The following GTF3C3 variants were observed in gnomAD, a reference collection of about 807,000 sequenced individuals.
The protein encoded by GTF3C3 is general transcription factor IIIC subunit 3.
A neutral mutation model predicts 105.2 loss-of-function variants in GTF3C3; 75 were observed. That is an observed-to-expected ratio of 0.71 (90% confidence interval 0.59 to 0.86). The LOEUF (loss-of-function observed/expected upper bound fraction) is 0.86, where lower values mean the gene tolerates loss of function less well. Ranked by LOEUF, GTF3C3 falls within the 40% of genes least tolerant of loss-of-function variation. The pLI, the probability that GTF3C3 is intolerant of heterozygous loss-of-function variation, is 0.00. For synonymous variants in GTF3C3, 335 were observed against 370.4 expected, an observed-to-expected ratio of 0.90 and a Z score of 1.10; for missense variants, 856 against 1,076.5, an observed-to-expected ratio of 0.80 and a Z score of 2.87.
chr2:196,792,997 A>G lies in GTF3C3; in HGVS notation c.370T>C (p.Leu124=). The part of the protein sequence containing the change: ...EQPTAGDVFV[L]EMVLNRETKK... ...GTTTCACGATTGAGAACCATCTCCA[A>G]TACAAATACATCGCCCGCAGTGGGT... is the stretch of plus-strand genomic sequence containing the variant. Residue 124 remains leucine (L), a synonymous_variant, in exon 3 of 18, where the codon TTG becomes CTG. Transcript: ENST00000263956. 1.2e-6 allele frequency: 2 copies of G among 1,613,912 alleles called. No homozygotes were observed. Among genetic ancestry groups the G allele is most frequent in the Non-Finnish European group, 1.7e-6 (2 of 1,179,926 alleles).
At position 196,766,551 on chromosome 2, in the gene GTF3C3, A is replaced by G; in HGVS notation, c.2538+14T>C. ...GATGAAATGAAGTGTCTCAGTTTTA[A>G]AAATGCACAATACCTCTACCACAAG... On this transcript the variant is annotated intron_variant, in intron 17 of 17. Transcript: ENST00000263956. The G allele has an allele frequency of 6.3e-7, 1 of 1,587,196 alleles. No homozygotes were observed.
At position 196,791,448 on chromosome 2, in the gene GTF3C3, G is replaced by A. The variant is rs1200129182; in HGVS notation, c.424C>T (p.Arg142Trp). Reference sequence around the variant, plus strand: ...CTCAGAGCTCTGGGAAGTTTACTCCGAGGCCTTTTCTCCTGTATGGAAGAA... The same window carrying A: ...CTCAGAGCTCTGGGAAGTTTACTCCAAGGCCTTTTCTCCTGTATGGAAGAA... ...TKKMMKEKRP[R>W]SKLPRALRGL... The change falls in exon 4 of 18, where the codon CGG becomes TGG. Residue 142 changes from arginine (R) to tryptophan (W), a missense_variant. This residue lies in a region of GTF3C3 where 605 missense variants were observed against 833.6 expected (regional missense o/e 0.73). Transcript: ENST00000263956. The A allele has an allele frequency of 5.6e-6, 9 of 1,613,072 alleles. No individual in the cohort carries two copies. The highest frequency in any genetic ancestry group is 4.2e-6 in the Non-Finnish European group (5 of 1,179,396).
intron 10 of GTF3C3, chr2:196,778,053 A>G (rs1259981683): frequency 6.6e-6 from 1 of 152,210 alleles, no homozygotes; most frequent in African/African-American, 2.4e-5. Context: ...TTCCTAGCTC[A>G]TATCTGTGAT....
chr2:196,764,258 T>TGTGA lies in GTF3C3; in HGVS notation c.*301_*304dup, dbSNP rs977477084. On this transcript the variant is annotated 3_prime_UTR_variant, in exon 18 of 18. Transcript: ENST00000263956. ...ATTAAATACAAAGATGAATAAATGG[T>TGTGA]GTGAGTGAAAAATAGTGTATTCGAC... The TGTGA allele has an allele frequency of 4.9e-6, 1 of 204,866 alleles. No homozygotes were observed. The allele number at this position is 204,866 out of a possible 1,614,324, so 12.7% of individuals were successfully genotyped here. A position where few individuals can be genotyped will look rare whatever the true frequency, so the allele number is the denominator to read the frequency against.
chr2:196,794,809 A>C (rs570155857), intron 2 of GTF3C3, among the ~76,000 whole-genome samples: 219 of 151,494 alleles, frequency 1.4e-3, no homozygotes, highest in African/African-American at 5.1e-3. Context: ...ATCTCAGCTC[A>C]CTGCAGCCTC....
rs755511312 is a variant in GTF3C3, at chr2:196,780,587, A to G, written c.1190T>C (p.Val397Ala). The G allele has an allele frequency of 1.5e-5, 25 of 1,613,534 alleles. No individual in the cohort carries two copies. Among genetic ancestry groups the G allele is most frequent in the African/African-American group, 2.7e-5 (2 of 74,898 alleles). Reference protein sequence around the residue: ...DITVKLMVCLVHLNILEPLNP... With the variant: ...DITVKLMVCLAHLNILEPLNP... Reference sequence around the variant, plus strand: ...AAGTGGTTCAAGAATGTTGAGATGTACAAGGCAGACCATCAACTTCACTGT... The same window carrying G: ...AAGTGGTTCAAGAATGTTGAGATGTGCAAGGCAGACCATCAACTTCACTGT... Residue 397 changes from valine (V) to alanine (A), a missense_variant, in exon 9 of 18, where the codon GTA (valine) becomes GCA (alanine). Around this residue, in one of 3 missense-constraint regions of GTF3C3, gnomAD observed 605 missense variants for 833.6 expected, o/e 0.73. Coordinates refer to ENST00000263956, the MANE Select transcript of GTF3C3 (RefSeq NM_012086.5).
intron 9 of GTF3C3, among the ~76,000 whole-genome samples, chr2:196,779,703 C>G (rs913697759): frequency 6.6e-6 from 1 of 152,106 alleles, no homozygotes; most frequent in Non-Finnish European, 1.5e-5. Flanking sequence ...TCCTCACCTC[C>G]TTCAGGTCAT....
intron 17 of GTF3C3, among the ~76,000 whole-genome samples, chr2:196,765,149 G>A (rs1482931724): frequency 2.6e-5 from 4 of 152,034 alleles, no homozygotes; most frequent in Non-Finnish European, 4.4e-5. Context: ...ATGCTATCAC[G>A]GAAAGGCATA....
chr2:196,796,621 G>A (rs1419358005), intron 2 of GTF3C3, among the ~76,000 whole-genome samples: 1 of 152,088 alleles, frequency 6.6e-6, no homozygotes, highest in Non-Finnish European at 1.5e-5. Context: ...TAGATATTAA[G>A]CCCAGCATCT....
At chr2:196,780,221 T>C (rs1269132160) in intron 9 of GTF3C3, 43 of 953,572 alleles carry the variant, frequency 4.5e-5, no homozygotes, top group Non-Finnish European at 5.5e-5. Context: ...AGTACTTTTT[T>C]TTTTTCAATA....
chr2:196,787,890 TA>T (rs972972095), intron 6 of GTF3C3, among the ~76,000 whole-genome samples: 9 of 152,192 alleles, frequency 5.9e-5, no homozygotes, highest in African/African-American at 2.4e-5. Flanking sequence ...AGGGAAAGCC[TA>T]AACAGAAGTT....
chr2:196,780,559 A>G lies in GTF3C3; in HGVS notation c.1218T>C (p.Asn406=). Residue 406 remains asparagine (N), a splice_region_variant and synonymous_variant, in exon 9 of 18, where the codon AAT becomes AAC. Coordinates refer to ENST00000263956, the MANE Select transcript of GTF3C3 (RefSeq NM_012086.5). The part of the protein sequence containing the change: ...LVHLNILEPL[N]PLLTTLVEQN... ...CTCAAGTGCAGATCTTGTTACATAC[A>G]TTAAGTGGTTCAAGAATGTTGAGAT... The G allele has an allele frequency of 6.2e-7, 1 of 1,612,832 alleles. No individual in the cohort carries two copies.
chr2:196,789,485 G>A, intron 5 of GTF3C3, 116 bp from the exon 6 acceptor site: 1 of 651,208 alleles, frequency 1.5e-6, no homozygotes, highest in Non-Finnish European at 2.6e-6. Flanking sequence ...GGAACCAAGG[G>A]AGTTATTCTG....
At chr2:196,773,927 C>T (rs954291828) in intron 13 of GTF3C3, among the ~76,000 whole-genome samples, 1 of 152,202 alleles carries the variant, frequency 6.6e-6, no homozygotes, top group African/African-American at 2.4e-5. Context: ...TGCTGTGCGG[C>T]CCAGTCCCTA....
intron 12 of GTF3C3, 135 bp from the exon 13 acceptor site, chr2:196,775,386 G>A (rs1461174445): frequency 7.8e-6 from 5 of 639,594 alleles, no homozygotes; most frequent in Non-Finnish European, 1.2e-5. Context: ...CTCGCAAGTA[G>A]CTGGGACCAC....
In GTF3C3 at chr2:196,771,958, G is replaced by A; in HGVS notation, c.2070-20C>T. The stretch of plus-strand genomic sequence containing the variant: ...ATTATCCTAAAATTGCAGGAAGAGG[G>A]TGAGGGAGAAAATAATGTAAAAATC... On this transcript the variant is annotated intron_variant, in intron 14 of 17. Transcript: ENST00000263956. The A allele has an allele frequency of 1.3e-6, 2 of 1,536,304 alleles. No homozygotes were observed. The highest frequency in any genetic ancestry group is 2.2e-5 in the East Asian group (1 of 44,512).
At chr2:196,780,690 T>C in intron 8 of GTF3C3, 28 bp from the exon 9 acceptor site, 1 of 1,602,448 alleles carries the variant, frequency 6.2e-7, no homozygotes, top group Non-Finnish European at 8.5e-7. Context: ...AAGAAGCAGT[T>C]ACTATATGCA....
At chr2:196,766,413 G>T in intron 17 of GTF3C3, 152 bp downstream of exon 17, 1 of 571,088 alleles carries the variant, frequency 1.8e-6, no homozygotes, top group Non-Finnish European at 3.0e-6. Flanking sequence ...TGTCGAAGTG[G>T]TACCTGTTCC....
chr2:196,796,911 C>T (rs982285514), intron 2 of GTF3C3, among the ~76,000 whole-genome samples: 28 of 152,304 alleles, frequency 1.8e-4, no homozygotes, highest in African/African-American at 5.3e-4. Context: ...AACTGTAACC[C>T]CCAGTTTTCC....
Sources: allele counts gnomAD v4.1 joint callset (sites outside exome capture counted in the v4.1 genomes callset), GRCh38; gene constraint gnomAD v4.1.1; regional missense constraint gnomAD v4.1.1; transcripts MANE v1.5; gene names NCBI Gene and HGNC (gene_info 2026-07-23, HGNC 2026-07-21).